RSPO1: variants seen among roughly 807,000 people sequenced by gnomAD.
RSPO1 encodes R-spondin 1.
RSPO1 carries 18 observed loss-of-function variants against 26.0 expected under a neutral mutation model. The observed-to-expected ratio is 0.69, with a 90% CI of 0.48 to 1.03. The LOEUF is 1.03. Among genes scored for constraint, RSPO1 ranks in the 50% least tolerant of loss-of-function variants. The pLI is 0.00. For missense variants in RSPO1, 309 were observed against 352.3 expected, an observed-to-expected ratio of 0.88 and a Z score of 0.98; for synonymous variants, 133 against 137.4, an observed-to-expected ratio of 0.97 and a Z score of 0.22.
At chr1:37,633,018 G>A (rs1324267275) in intron 1 of RSPO1, among the ~76,000 whole-genome samples, 1 of 152,202 alleles carries the variant, frequency 6.6e-6, no homozygotes, top group Non-Finnish European at 1.5e-5. Flanking sequence ...GTTATTGGTG[G>A]GGGTAAGAAA....
chr1:37,620,902 C>A (rs780658767), intron 3 of RSPO1, among the ~76,000 whole-genome samples: 3 of 152,090 alleles, frequency 2.0e-5, no homozygotes, highest in African/African-American at 4.8e-5. Context: ...GACATGAATG[C>A]GCCCTCTAGG....
intron 4 of RSPO1, among the ~76,000 whole-genome samples, chr1:37,615,755 C>T (rs765406004): frequency 5.3e-5 from 8 of 152,202 alleles, no homozygotes; most frequent in Admixed American, 2.6e-4. Flanking sequence ...GATATGGTAG[C>T]GTGTGCCTTG....
intron 2 of RSPO1, among the ~76,000 whole-genome samples, chr1:37,631,551 C>T (rs1031373236): frequency 7.2e-5 from 11 of 152,190 alleles, no homozygotes; most frequent in Admixed American, 5.2e-4. Context: ...ATGATAGTCA[C>T]GGGCATAAAC....
At chr1:37,620,661 T>TAATAA (rs1644187221) in intron 3 of RSPO1, among the ~76,000 whole-genome samples, 2 of 128,860 alleles carry the variant, frequency 1.6e-5, no homozygotes, top group Non-Finnish European at 3.3e-5. Flanking sequence ...AATAATAATA[T>TAATAA]ATGATAAAAA....
chr1:37,629,448 T>C (rs1196939877), intron 3 of RSPO1, 120 bp downstream of exon 3: 10 of 774,630 alleles, frequency 1.3e-5, no homozygotes, highest in Non-Finnish European at 2.3e-5. Flanking sequence ...AAAGCTATAA[T>C]AGATAGAGTG....
intron 3 of RSPO1, among the ~76,000 whole-genome samples, chr1:37,616,919 G>T (rs1199108887): frequency 1.3e-5 from 2 of 152,096 alleles, no homozygotes; most frequent in African/African-American, 2.4e-5. Flanking sequence ...GACACGACAC[G>T]AGTTCACTCT....
At position 37,613,788 on chromosome 1, in the gene RSPO1, G is replaced by A. The variant is rs1644063807; in HGVS notation, c.541C>T (p.His181Tyr). ...GCAGCATGGTCCCCCACAGGGGCATGTAGCACCCTGCGTGTCCGCTCCTCG... is the reference window on the plus strand; with the variant it reads ...GCAGCATGGTCCCCCACAGGGGCATATAGCACCCTGCGTGTCCGCTCCTCG... Reference protein sequence around the residue: ...GSEERTRRVLHAPVGDHAACS... With the variant: ...GSEERTRRVLYAPVGDHAACS... Residue 181 changes from histidine (H) to tyrosine (Y), a missense_variant, in exon 6 of 7, where the codon CAT becomes TAT. Coordinates refer to ENST00000356545, the MANE Select transcript of RSPO1 (RefSeq NM_001242908.2). This position sits in a 1 kb window ranked among gnomAD's most constrained non-coding sequence, Gnocchi z 4.5. The A allele has an allele frequency of 1.2e-6, 2 of 1,613,962 alleles. No homozygotes were observed. Among genetic ancestry groups the A allele is most frequent in the Non-Finnish European group, 1.7e-6 (2 of 1,179,928 alleles).
chr1:37,617,469 G>A (rs1244338161), intron 3 of RSPO1, among the ~76,000 whole-genome samples: 1 of 151,888 alleles, frequency 6.6e-6, no homozygotes, highest in African/African-American at 2.4e-5. Context: ...GACCAGCCTG[G>A]CCAACATGGT....
chr1:37,620,283 C>T lies in RSPO1; in HGVS notation c.95-3608G>A, dbSNP rs555552681. ...ATCCCAGCACTTCGGGAGGCTGAGGCGGGCAGATCGCTGCAGCCCAGGAGT... is the reference window on the plus strand; with the variant it reads ...ATCCCAGCACTTCGGGAGGCTGAGGTGGGCAGATCGCTGCAGCCCAGGAGT... On this transcript the variant is annotated intron_variant, in intron 3 of 6. Coordinates refer to ENST00000356545, the MANE Select transcript of RSPO1 (RefSeq NM_001242908.2). Among the ~76,000 whole-genome samples the T allele has an allele frequency of 7.7e-4, 117 of 152,220 alleles. 2 individuals carry two copies. The highest frequency in any genetic ancestry group is 2.6e-3 in the African/African-American group (110 of 41,558).
Position 37,634,200 on chromosome 1 carries a change from T to G in RSPO1, c.-356+366A>C, listed in dbSNP as rs1299448043. Among the ~76,000 whole-genome samples the G allele has an allele frequency of 1.3e-5, 2 of 152,028 alleles. No individual in the cohort carries two copies. The highest frequency in any genetic ancestry group is 2.9e-5 in the Non-Finnish European group (2 of 68,002). ...CCAGAGACCGTGGGACTTGGGGGAA[T>G]CCGAGCCAATGAGCCCCAGGATCAA... On this transcript the variant is annotated intron_variant, in intron 1 of 6. Coordinates refer to ENST00000356545, the MANE Select transcript of RSPO1 (RefSeq NM_001242908.2). The surrounding 1 kb of genome is among the most constrained non-coding windows in gnomAD (Gnocchi z 4.7).
rs1379528890 is a variant in RSPO1 at position 37,614,448 on chromosome 1, C to T, written c.287-115G>A. ...CACCCACCTACATGGAGGGCAGGAC[C>T]CTGGCCTAGAGCTGCAGGTACTGCA... On this transcript the variant is annotated intron_variant, in intron 4 of 6. Coordinates refer to ENST00000356545, the MANE Select transcript of RSPO1 (RefSeq NM_001242908.2). 4 of 1,203,144 alleles carry T rather than the reference C, an allele frequency of 3.3e-6. No homozygotes were observed. The African/African-American group carries it at 6.0e-5, about 18-fold the overall frequency. 74.5% of individuals were successfully genotyped at this position (1,203,144 alleles called of 1,614,324 possible). A position where few individuals can be genotyped will look rare whatever the true frequency, so the allele number is the denominator to read the frequency against.
chr1:37,630,033 G>A (rs942474918), intron 2 of RSPO1, 84 bp from the exon 3 acceptor site: 4 of 681,694 alleles, frequency 5.9e-6, no homozygotes, highest in Non-Finnish European at 1.1e-5. Flanking sequence ...CAGAAGACTG[G>A]GAGCTCAAAA....
intron 3 of RSPO1, among the ~76,000 whole-genome samples, chr1:37,620,101 A>C (rs1177486008): frequency 6.6e-6 from 1 of 152,216 alleles, no homozygotes; most frequent in East Asian, 1.9e-4. Flanking sequence ...TACTTGAATA[A>C]AATTTCTCAG....
At chr1:37,617,462 C>A (rs1217914001) in intron 3 of RSPO1, among the ~76,000 whole-genome samples, 1 of 151,920 alleles carries the variant, frequency 6.6e-6, no homozygotes, top group Non-Finnish European at 1.5e-5. Context: ...AGTTTGAGAC[C>A]AGCCTGGCCA....
chr1:37,611,851 A>T lies in RSPO1; in HGVS notation c.*904T>A, dbSNP rs2148154987. On this transcript the variant is annotated 3_prime_UTR_variant, in exon 7 of 7. Transcript: ENST00000356545. ...TTGGGTAACATGCCAATCATCAGGA[A>T]TCTTAAAATTTAGACTCTGGCTCAC... The T allele has an allele frequency of 6.5e-6, 1 of 152,746 alleles. No individual in the cohort carries two copies. Among genetic ancestry groups the T allele is most frequent in the Non-Finnish European group, 1.5e-5 (1 of 68,304 alleles). 9.5% of individuals were successfully genotyped at this position (152,746 alleles called of 1,614,324 possible).
chr1:37,618,740 G>C (rs1358358879), intron 3 of RSPO1, among the ~76,000 whole-genome samples: 1 of 152,188 alleles, frequency 6.6e-6, no homozygotes, highest in Non-Finnish European at 1.5e-5. Flanking sequence ...TTGGCCTGGG[G>C]TGTGGGTGAG....
At chr1:37,624,874 C>T (rs986244508) in intron 3 of RSPO1, among the ~76,000 whole-genome samples, 1 of 152,220 alleles carries the variant, frequency 6.6e-6, no homozygotes, top group Non-Finnish European at 1.5e-5. Flanking sequence ...CACCTTACCC[C>T]TCAGCACCAC....
chr1:37,625,805 A>G (rs979635969), intron 3 of RSPO1, among the ~76,000 whole-genome samples: 3 of 151,982 alleles, frequency 2.0e-5, no homozygotes, highest in African/African-American at 4.8e-5. Context: ...CAGCCTCCCA[A>G]GTAGCCAGGA....
chr1:37,630,148 T>C (rs1644336143), intron 2 of RSPO1, among the ~76,000 whole-genome samples, 199 bp from the exon 3 acceptor site: 1 of 152,224 alleles, frequency 6.6e-6, no homozygotes, highest in South Asian at 2.1e-4. Flanking sequence ...CGGCAACCTG[T>C]GTAGCCAGAA....
Sources: allele counts gnomAD v4.1 joint callset (sites outside exome capture counted in the v4.1 genomes callset), GRCh38; gene constraint gnomAD v4.1.1; non-coding constraint Gnocchi (gnomAD v3.1); transcripts MANE v1.5; gene names NCBI Gene and HGNC (gene_info 2026-07-23, HGNC 2026-07-21).